The following NBEA variants were observed in gnomAD, a reference collection of about 807,000 sequenced individuals.
NBEA encodes the protein lysosomal-trafficking regulator 2.
Under a neutral mutation model 343.4 loss-of-function variants are expected in NBEA, and 44 were observed. The observed-to-expected ratio is 0.13, with a 90% CI of 0.10 to 0.16. The LOEUF is 0.16. Among genes scored for constraint, NBEA ranks in the 10% least tolerant of loss-of-function variants. NBEA has a pLI of 1.00. For missense variants in NBEA, 2,555 were observed against 3,631.3 expected, an observed-to-expected ratio of 0.70 and a Z score of 7.62; for synonymous variants, 1,175 against 1,238.7, an observed-to-expected ratio of 0.95 and a Z score of 1.08.
chr13:34,956,606 A>T (rs890755376), intron 1 of NBEA, among the ~76,000 whole-genome samples: 1 of 152,192 alleles, frequency 6.6e-6, no homozygotes, highest in African/African-American at 2.4e-5. Context: ...TAAAAATCAA[A>T]TTGGGGTAGT....
At chr13:35,232,097 C>T (rs2075007356) in intron 33 of NBEA, among the ~76,000 whole-genome samples, 1 of 152,132 alleles carries the variant, frequency 6.6e-6, no homozygotes, top group Non-Finnish European at 1.5e-5. Context: ...GTAATACCTC[C>T]TTGAGAGCAA....
chr13:35,356,551 T>C (rs1357799486), intron 38 of NBEA, among the ~76,000 whole-genome samples: 6 of 152,166 alleles, frequency 3.9e-5, no homozygotes, highest in African/African-American at 1.2e-4. Context: ...AATACAATTG[T>C]GCATGTAAGA....
intron 7 of NBEA, 147 bp from the exon 8 acceptor site, chr13:35,058,570 T>C: frequency 1.5e-6 from 1 of 677,574 alleles, no homozygotes; most frequent in Non-Finnish European, 2.4e-6. Context: ...TGGCATTTAT[T>C]ATTAAAATAA....
intron 1 of NBEA, among the ~76,000 whole-genome samples, chr13:35,029,770 A>T (rs1322334723): frequency 6.6e-6 from 1 of 151,624 alleles, no homozygotes; most frequent in Non-Finnish European, 1.5e-5. Flanking sequence ...AGAAGACAAC[A>T]TGTTTCCAAG....
At chr13:35,034,577 G>A (rs1566190321) in intron 1 of NBEA, among the ~76,000 whole-genome samples, 1 of 151,816 alleles carries the variant, frequency 6.6e-6, no homozygotes. Flanking sequence ...CCATTTGGAA[G>A]TATGCCCTTC....
chr13:35,459,172 A>T (rs1039313258), intron 40 of NBEA, among the ~76,000 whole-genome samples: 3 of 152,118 alleles, frequency 2.0e-5, no homozygotes, highest in African/African-American at 7.2e-5. Context: ...TTTGTTGCCC[A>T]TGACACTTCC....
intron 10 of NBEA, among the ~76,000 whole-genome samples, chr13:35,073,948 C>A (rs1431607945): frequency 1.3e-5 from 2 of 152,008 alleles, no homozygotes; most frequent in African/African-American, 4.8e-5. Flanking sequence ...TATCAAAAAA[C>A]CACCCCAAAT....
intron 41 of NBEA, among the ~76,000 whole-genome samples, chr13:35,487,830 G>A (rs2076357902): frequency 6.6e-6 from 1 of 151,732 alleles, no homozygotes; most frequent in Admixed American, 6.6e-5. Context: ...TTACACCTTT[G>A]GCATCTTTTA....
At chr13:35,651,770 T>C (rs2153079743) in intron 52 of NBEA, 35 bp from the exon 53 acceptor site, 1 of 1,288,984 alleles carries the variant, frequency 7.8e-7, no homozygotes, top group South Asian at 1.3e-5. Flanking sequence ...TCTGAGAATT[T>C]TATGTTAGTT....
intron 44 of NBEA, among the ~76,000 whole-genome samples, chr13:35,560,954 A>C (rs763370971): frequency 3.2e-4 from 48 of 152,230 alleles, no homozygotes; most frequent in Admixed American, 1.8e-3. Context: ...TACTGCCATA[A>C]GTTCTGATTC....
intron 37 of NBEA, among the ~76,000 whole-genome samples, chr13:35,350,933 T>C (rs2040166172): frequency 6.6e-6 from 1 of 151,966 alleles, no homozygotes; most frequent in Non-Finnish European, 1.5e-5. Flanking sequence ...TAAGTTTTTT[T>C]AGTTAACTAC....
chr13:35,368,857 C>T (rs898144874), intron 38 of NBEA, among the ~76,000 whole-genome samples: 9 of 151,416 alleles, frequency 5.9e-5, no homozygotes, highest in African/African-American at 1.5e-4. Context: ...TAAATTATAC[C>T]TAAAATCTAA....
chr13:35,135,152 G>T (rs555395983), intron 17 of NBEA, among the ~76,000 whole-genome samples: 1 of 152,050 alleles, frequency 6.6e-6, no homozygotes, highest in East Asian at 1.9e-4. Flanking sequence ...CAAACCTATC[G>T]TATGCTCCCT....
At chr13:35,304,810 A>G (rs1196407732) in intron 35 of NBEA, among the ~76,000 whole-genome samples, 2 of 152,094 alleles carry the variant, frequency 1.3e-5, no homozygotes, top group East Asian at 3.9e-4. Flanking sequence ...CCAACAAATA[A>G]CAGACCCCTA....
At chr13:35,351,602 A>G (rs2040204515) in intron 37 of NBEA, among the ~76,000 whole-genome samples, 1 of 151,968 alleles carries the variant, frequency 6.6e-6, no homozygotes, top group African/African-American at 2.4e-5. Context: ...ATAGAAAAAA[A>G]TCTTGTCTCA....
rs528613797 is a variant in NBEA at position 35,443,888 on chromosome 13, A to AT, written c.6305-8198dup. Among the ~76,000 whole-genome samples the AT allele has an allele frequency of 7.0e-3, 1,065 of 152,012 alleles. 17 individuals carry two copies. The highest frequency in any genetic ancestry group is 0.024 in the African/African-American group (1,012 of 41,538). Reference sequence around the variant, plus strand: ...GCTATTTTATAAAGAAGATGATTTAATTTTTTGTCATTAATCTTCGTTAGA... The same window carrying AT: ...GCTATTTTATAAAGAAGATGATTTAATTTTTTTGTCATTAATCTTCGTTAGA... On this transcript the variant is annotated intron_variant, in intron 39 of 58. Coordinates refer to ENST00000379939, the MANE Select transcript of NBEA (RefSeq NM_001385012.1).
chr13:35,613,643 G>A (rs957125482), intron 48 of NBEA, among the ~76,000 whole-genome samples: 1 of 152,012 alleles, frequency 6.6e-6, no homozygotes, highest in South Asian at 2.1e-4. Context: ...TTTGTTTTGA[G>A]ACAGTGTCTC....
intron 34 of NBEA, among the ~76,000 whole-genome samples, chr13:35,254,245 C>T (rs1005431566): frequency 1.3e-4 from 20 of 151,148 alleles, no homozygotes; most frequent in Non-Finnish European, 2.5e-4. Context: ...AATATTCTTA[C>T]TATAAAATGC....
At chr13:35,211,001 T>A (rs2073737207) in intron 32 of NBEA, 52 bp from the exon 33 acceptor site, 13 of 1,517,522 alleles carry the variant, frequency 8.6e-6, no homozygotes, top group East Asian at 2.5e-5. Flanking sequence ...GTAATTAAAA[T>A]TTTTTTAAAT....
Sources: gnomAD v4.1 joint callset for allele counts (sites outside exome capture counted in the v4.1 genomes callset) on GRCh38, gnomAD v4.1.1 for gene constraint, MANE v1.5 for transcripts, NCBI Gene and HGNC (gene_info 2026-07-23, HGNC 2026-07-21) for gene names.